RIC1: variants seen among roughly 807,000 people sequenced by gnomAD.
RIC1 encodes the protein guanine nucleotide exchange factor subunit RIC1.
Under a neutral mutation model 169.0 loss-of-function variants are expected in RIC1, and 88 were observed. The observed-to-expected ratio is 0.52, with a 90% CI of 0.44 to 0.62. The LOEUF (loss-of-function observed/expected upper bound fraction) is 0.62. Ranked by LOEUF, RIC1 falls within the 20% of genes least tolerant of loss-of-function variation. The probability of loss-of-function intolerance (pLI) is 0.00; values close to 1 mark genes in which losing one functional copy is unlikely to be tolerated. For synonymous variants in RIC1, 790 were observed against 601.5 expected (o/e 1.31, Z -4.59); for missense variants, 1,877 against 1,725.5 (o/e 1.09, Z -1.56).
At chr9:5,710,600 C>G (rs1822870773) in intron 3 of RIC1, among the ~76,000 whole-genome samples, 1 of 152,106 alleles carries the variant, frequency 6.6e-6, no homozygotes. Flanking sequence ...GAACAAAGGA[C>G]TAAACATTGT....
intron 2 of RIC1, among the ~76,000 whole-genome samples, chr9:5,675,221 G>T (rs184821457): frequency 6.6e-6 from 1 of 152,128 alleles, no homozygotes; most frequent in South Asian, 2.1e-4. Context: ...GTGGTTTGGC[G>T]GGAAAAATGG....
intron 6 of RIC1, among the ~76,000 whole-genome samples, chr9:5,723,126 C>T (rs183526324): frequency 2.4e-3 from 360 of 152,324 alleles, no homozygotes; most frequent in African/African-American, 7.6e-3. Flanking sequence ...CTTGAAGAAT[C>T]GCCACACTGT....
intron 2 of RIC1, among the ~76,000 whole-genome samples, chr9:5,678,680 C>G (rs1446267236): frequency 6.6e-6 from 1 of 152,144 alleles, no homozygotes; most frequent in African/African-American, 2.4e-5. Context: ...CTTTCGCCCA[C>G]TTTTTGATGG....
intron 1 of RIC1, among the ~76,000 whole-genome samples, chr9:5,632,477 A>G (rs1216927571): frequency 1.3e-5 from 2 of 152,192 alleles, no homozygotes; most frequent in Non-Finnish European, 2.9e-5. Context: ...TTCCTACCCC[A>G]AATTTGAGAA....
At chr9:5,692,437 T>A (rs969804041) in intron 3 of RIC1, among the ~76,000 whole-genome samples, 2 of 152,022 alleles carry the variant, frequency 1.3e-5, no homozygotes, top group Non-Finnish European at 1.5e-5. Flanking sequence ...TTTCACCAAG[T>A]GTTTACTTCA....
intron 17 of RIC1, among the ~76,000 whole-genome samples, chr9:5,759,140 T>C (rs1017551010): frequency 5.3e-5 from 8 of 152,192 alleles, no homozygotes; most frequent in Admixed American, 3.3e-4. Context: ...TTAGTCCTAA[T>C]TGATAAGGGA....
chr9:5,716,244 A>G (rs1375813689), intron 4 of RIC1, among the ~76,000 whole-genome samples: 1 of 152,156 alleles, frequency 6.6e-6, no homozygotes, highest in African/African-American at 2.4e-5. Flanking sequence ...GAGGCTCTCT[A>G]AGGATATAAC....
At chr9:5,687,832 A>T (rs138662281) in intron 2 of RIC1, among the ~76,000 whole-genome samples, 203 of 152,322 alleles carry the variant, frequency 1.3e-3, no homozygotes, top group Non-Finnish European at 2.4e-3. Context: ...TACCCCTGTC[A>T]TGCGGAGACT....
At chr9:5,681,536 A>T (rs1283515002) in intron 2 of RIC1, among the ~76,000 whole-genome samples, 1 of 152,050 alleles carries the variant, frequency 6.6e-6, no homozygotes, top group Non-Finnish European at 1.5e-5. Flanking sequence ...GTTCTTTTAC[A>T]TTTGCTGAGG....
intron 2 of RIC1, among the ~76,000 whole-genome samples, chr9:5,679,579 G>A (rs1309334102): frequency 5.9e-5 from 9 of 152,172 alleles, no homozygotes; most frequent in Admixed American, 2.6e-4. Flanking sequence ...TGGATTCCTA[G>A]GTATTTTATT....
chr9:5,774,437 C>G lies in RIC1; in HGVS notation c.*191C>G. On this transcript the variant is annotated 3_prime_UTR_variant, in exon 26 of 26. Transcript: ENST00000414202. ...TCCATAAAAATGTGATATAAAGCAT[C>G]TTTCATAAAAAAATTTTAAGCTGCA... 2.1e-6 allele frequency: 1 copy of G among 478,528 alleles called. No individual in the cohort carries two copies. Among genetic ancestry groups the G allele is most frequent in the Non-Finnish European group, 3.5e-6 (1 of 283,004 alleles). 29.6% of individuals were successfully genotyped at this position (478,528 alleles called of 1,614,324 possible). A position where few individuals can be genotyped will look rare whatever the true frequency, so the allele number is the denominator to read the frequency against.
At chr9:5,744,633 A>G (rs555021500) in intron 10 of RIC1, among the ~76,000 whole-genome samples, 2 of 152,170 alleles carry the variant, frequency 1.3e-5, no homozygotes, top group African/African-American at 4.8e-5. Context: ...AATTTTGTAC[A>G]TAAAACAAAA....
downstream of RIC1, among the ~76,000 whole-genome samples, chr9:5,777,023 C>A (rs2131177415): frequency 6.6e-6 from 1 of 152,126 alleles, no homozygotes. Flanking sequence ...TTCTTGGCAC[C>A]AAAGCATGTT....
intron 8 of RIC1, among the ~76,000 whole-genome samples, chr9:5,739,742 G>A (rs114221705): frequency 0.013 from 2,026 of 152,220 alleles, 56 homozygotes; most frequent in African/African-American, 0.046. Context: ...TGCCACTATT[G>A]GGGATGGGGA....
chr9:5,722,351 G>GAA (rs1413291055), intron 6 of RIC1, among the ~76,000 whole-genome samples: 1 of 141,678 alleles, frequency 7.1e-6, no homozygotes, highest in African/African-American at 2.8e-5. Context: ...GAGAGAGAGT[G>GAA]TGTGTGTGTG....
chr9:5,759,922 T>C (rs1023059091), intron 17 of RIC1, among the ~76,000 whole-genome samples: 3 of 152,166 alleles, frequency 2.0e-5, no homozygotes, highest in Non-Finnish European at 4.4e-5. Flanking sequence ...AGGACTCTTA[T>C]ATATCCCAGA....
At chr9:5,645,559 C>G (rs1038651366) in intron 1 of RIC1, among the ~76,000 whole-genome samples, 1 of 152,168 alleles carries the variant, frequency 6.6e-6, no homozygotes, top group Admixed American at 6.6e-5. Flanking sequence ...TCCTGGTTTT[C>G]TCATCCCATC....
In RIC1 at chr9:5,772,680, C is replaced by G. The variant is rs1827301507; in HGVS notation, c.3733C>G (p.Leu1245Val). ...FSTLSLTQSE[L>V]EHISMELASK... Reference sequence around the variant, plus strand: ...TACACTCAGTTTAACTCAGTCAGAGCTGGAGCACATTTCCATGGAGTTGGC... The same window carrying G: ...TACACTCAGTTTAACTCAGTCAGAGGTGGAGCACATTTCCATGGAGTTGGC... The change falls in exon 24 of 26, where the codon CTG (leucine) becomes GTG (valine). Residue 1245 changes from leucine to valine, a missense_variant. By Grantham distance (32) the Leu-to-Val change is conservative. This residue lies in a region of RIC1 where 681 missense variants were observed against 582.0 expected (regional missense o/e 1.17). Transcript: ENST00000414202. The G allele has an allele frequency of 1.2e-6, 2 of 1,613,744 alleles. No individual in the cohort carries two copies. Among genetic ancestry groups the G allele is most frequent in the East Asian group, 2.2e-5 (1 of 44,846 alleles).
chr9:5,673,245 G>A lies in RIC1; in HGVS notation c.252+16555G>A, dbSNP rs114126527. Reference sequence around the variant, plus strand: ...AAGACCATCCTATTGAAAAATGGACGAACAAGGCAACTTGCAGAAGGAGAA... The same window carrying A: ...AAGACCATCCTATTGAAAAATGGACAAACAAGGCAACTTGCAGAAGGAGAA... On this transcript the variant is annotated intron_variant, in intron 2 of 25. Coordinates refer to ENST00000414202, the MANE Select transcript of RIC1 (RefSeq NM_020829.4). 1.5e-3 allele frequency among the ~76,000 whole-genome samples: 235 copies of A among 151,818 alleles called. 1 individual carries two copies. Among genetic ancestry groups the A allele is most frequent in the African/African-American group, 5.4e-3 (224 of 41,428 alleles).
Sources: gnomAD v4.1 joint callset for allele counts (sites outside exome capture counted in the v4.1 genomes callset) on GRCh38, gnomAD v4.1.1 for gene constraint, gnomAD v4.1.1 regional missense constraint, MANE v1.5 for transcripts, NCBI Gene and HGNC (gene_info 2026-07-23, HGNC 2026-07-21) for gene names.